The following SLC47A1 variants were observed in gnomAD, a reference collection of about 807,000 sequenced individuals.
SLC47A1 encodes the protein solute carrier family 47 member 1.
SLC47A1 carries 58 observed loss-of-function variants against 65.8 expected under a neutral mutation model. The observed-to-expected ratio is 0.88, with a 90% CI of 0.71 to 1.10. The LOEUF (loss-of-function observed/expected upper bound fraction) is 1.10, where lower values mean the gene tolerates loss of function less well. Among genes scored for constraint, SLC47A1 ranks in the 50% least tolerant of loss-of-function variants. The pLI, the probability that SLC47A1 is intolerant of heterozygous loss-of-function variation, is 0.00. For missense variants in SLC47A1, 706 were observed against 719.2 expected (o/e 0.98, Z 0.21); for synonymous variants, 285 against 295.0 (o/e 0.97, Z 0.35).
intron 4 of SLC47A1, among the ~76,000 whole-genome samples, chr17:19,548,640 C>T (rs2152313459): frequency 6.6e-6 from 1 of 152,114 alleles, no homozygotes; most frequent in African/African-American, 2.4e-5. Flanking sequence ...GCTGAGATTA[C>T]AGGCACCTAC....
intron 10 of SLC47A1, 126 bp downstream of exon 10, chr17:19,556,188 TC>T: frequency 9.0e-7 from 1 of 1,116,130 alleles, no homozygotes; most frequent in Non-Finnish European, 1.3e-6. Context: ...AAAAGTCAAA[TC>T]CCATCCTTGA....
chr17:19,539,960 C>T (rs542480658), intron 1 of SLC47A1, among the ~76,000 whole-genome samples: 10 of 152,188 alleles, frequency 6.6e-5, no homozygotes, highest in Admixed American at 3.9e-4. Flanking sequence ...TCAGGATGGG[C>T]TGACTGCATG....
At chr17:19,577,264 A>AG in intron 16 of SLC47A1, 63 bp from the exon 17 acceptor site, 1 of 1,582,132 alleles carries the variant, frequency 6.3e-7, no homozygotes, top group Non-Finnish European at 8.6e-7. Flanking sequence ...TTTTATACAT[A>AG]GCCCTTTATA....
At chr17:19,561,362 G>C (rs918771433) in intron 12 of SLC47A1, among the ~76,000 whole-genome samples, 1 of 151,960 alleles carries the variant, frequency 6.6e-6, no homozygotes, top group Admixed American at 6.6e-5. Flanking sequence ...TCAGAGGCTC[G>C]GCCGGGCGCG....
intron 10 of SLC47A1, among the ~76,000 whole-genome samples, chr17:19,556,804 G>A (rs1916627823): frequency 6.6e-6 from 1 of 152,144 alleles, no homozygotes; most frequent in Admixed American, 6.6e-5. Flanking sequence ...CGATCTACCC[G>A]CCTTGGCCTC....
At chr17:19,541,264 C>T (rs1169988266) in intron 1 of SLC47A1, among the ~76,000 whole-genome samples, 1 of 152,154 alleles carries the variant, frequency 6.6e-6, no homozygotes, top group Non-Finnish European at 1.5e-5. Context: ...CAGATGCAGG[C>T]AGCGGCGGCA....
At position 19,566,757 on chromosome 17, in the gene SLC47A1, T is replaced by C. The variant is rs1447274148; in HGVS notation, c.1107-33T>C. The C allele has an allele frequency of 2.5e-6, 4 of 1,607,278 alleles. No individual in the cohort carries two copies. In the African/African-American group the frequency reaches 4.0e-5, roughly 16 times the overall value. On this transcript the variant is annotated intron_variant, in intron 12 of 16. Transcript: ENST00000270570. ...TATATACTTCTTTCTCCACTTTGTC[T>C]CCTAATCACCACGTGCTTTATTTTC...
intron 15 of SLC47A1, 69 bp downstream of exon 15, chr17:19,571,641 C>T (rs1315306072): frequency 1.7e-6 from 2 of 1,193,494 alleles, no homozygotes; most frequent in African/African-American, 1.5e-5. Context: ...CTGGCTCTCC[C>T]TTTTTTCTTT....
At chr17:19,575,566 CT>C (rs2084433392) in intron 16 of SLC47A1, among the ~76,000 whole-genome samples, 1 of 151,984 alleles carries the variant, frequency 6.6e-6, no homozygotes, top group Non-Finnish European at 1.5e-5. Flanking sequence ...GCTCAGCTAA[CT>C]CTTTAATATT....
Position 19,577,999 on chromosome 17 carries a change from A to T in SLC47A1, c.*446A>T, listed in dbSNP as rs2084454183. Reference sequence around the variant, plus strand: ...TGTTTTTGTTTTAATTTTTTTTTTAATAGACGGAAGTCTTGCTCTGTCATG... The same window carrying T: ...TGTTTTTGTTTTAATTTTTTTTTTATTAGACGGAAGTCTTGCTCTGTCATG... On this transcript the variant is annotated 3_prime_UTR_variant, in exon 17 of 17. Coordinates refer to ENST00000270570, the MANE Select transcript of SLC47A1 (RefSeq NM_018242.3). 1 of 1,272,756 alleles carries T rather than the reference A, an allele frequency of 7.9e-7. No homozygotes were observed. 78.8% of individuals were successfully genotyped at this position (1,272,756 alleles called of 1,614,324 possible).
At chr17:19,554,257 G>A (rs1916540851) in intron 6 of SLC47A1, among the ~76,000 whole-genome samples, 1 of 152,242 alleles carries the variant, frequency 6.6e-6, no homozygotes, top group Non-Finnish European at 1.5e-5. Flanking sequence ...GGCCTGGGCT[G>A]TGACGTGGAC....
At chr17:19,544,470 C>A (rs1421296156) in intron 2 of SLC47A1, among the ~76,000 whole-genome samples, 1 of 152,202 alleles carries the variant, frequency 6.6e-6, no homozygotes, top group Admixed American at 6.5e-5. Flanking sequence ...AGGTTCCCTG[C>A]TGTAGAGTCA....
chr17:19,535,688 C>T (rs1251629495), intron 1 of SLC47A1: 2 of 152,284 alleles, frequency 1.3e-5, no homozygotes, highest in Admixed American at 6.6e-5. Context: ...CGCTTGAACC[C>T]GGGAGGCGGA....
chr17:19,560,827 C>T lies in SLC47A1; in HGVS notation c.1106+334C>T, dbSNP rs562980703. ...CCAGGAGGCAGAGGTTGCAGTGAGC[C>T]GAGATTGTGCCACTGCACTCCAGCC... On this transcript the variant is annotated intron_variant, in intron 12 of 16. Transcript: ENST00000270570. Among the ~76,000 whole-genome samples, 144 of 149,566 alleles carry T rather than the reference C, an allele frequency of 9.6e-4. 3 individuals are homozygous for T. Among genetic ancestry groups the T allele is most frequent in the African/African-American group, 3.3e-3 (132 of 40,524 alleles).
chr17:19,547,347 CT>C (rs34710264), intron 3 of SLC47A1, among the ~76,000 whole-genome samples: 6,160 of 114,902 alleles, frequency 0.054, 135 homozygotes, highest in East Asian at 0.17. Flanking sequence ...CCCAGCCTGG[CT>C]TTTTTTTTTT....
At chr17:19,538,318 G>T (rs1354861063) in intron 1 of SLC47A1, among the ~76,000 whole-genome samples, 1 of 152,254 alleles carries the variant, frequency 6.6e-6, no homozygotes, top group Non-Finnish European at 1.5e-5. Flanking sequence ...TGGCAACACA[G>T]TCCACTGTAG....
chr17:19,572,720 C>A, intron 15 of SLC47A1, 60 bp from the exon 16 acceptor site: 1 of 1,511,710 alleles, frequency 6.6e-7, no homozygotes, highest in South Asian at 1.1e-5. Context: ...ACTAGGTGGT[C>A]AAGTAAAATA....
At chr17:19,537,988 CTCA>C (rs1252350514) in intron 1 of SLC47A1, among the ~76,000 whole-genome samples, 1 of 152,234 alleles carries the variant, frequency 6.6e-6, no homozygotes, top group Non-Finnish European at 1.5e-5. Context: ...CACCCCACAG[CTCA>C]TCATGCAAAT....
intron 1 of SLC47A1, among the ~76,000 whole-genome samples, chr17:19,538,671 C>T (rs148468585): frequency 2.6e-5 from 4 of 152,268 alleles, no homozygotes; most frequent in Non-Finnish European, 4.4e-5. Context: ...GGGCTAGTTG[C>T]GAAACCTCCT....
Sources: allele counts gnomAD v4.1 joint callset (sites outside exome capture counted in the v4.1 genomes callset), GRCh38; gene constraint gnomAD v4.1.1; transcripts MANE v1.5; gene names NCBI Gene and HGNC (gene_info 2026-07-23, HGNC 2026-07-21).